The following LAMP1 variants were observed in gnomAD, a reference collection of about 807,000 sequenced individuals.
The protein encoded by LAMP1 is lysosome associated membrane protein 1.
LAMP1 carries 7 observed loss-of-function variants against 37.5 expected under a neutral mutation model. That is an observed-to-expected ratio of 0.19 (90% CI 0.11 to 0.35). LAMP1 has a LOEUF of 0.35. Among genes scored for constraint, LAMP1 ranks in the 10% least tolerant of loss-of-function variants. The pLI, the probability that LAMP1 is intolerant of heterozygous loss-of-function variation, is 1.00. For synonymous variants in LAMP1, 236 were observed against 229.1 expected, an observed-to-expected ratio of 1.03 and a Z score of -0.27; for missense variants, 537 against 552.8, an observed-to-expected ratio of 0.97 and a Z score of 0.29.
chr13:113,301,639 AAAAAAATATATATATATATATATAT>A (rs1457874136), intron 1 of LAMP1, among the ~76,000 whole-genome samples: 2,492 of 31,146 alleles, frequency 0.08, 214 homozygotes, highest in Non-Finnish European at 0.11. Context: ...AAAAAAAAAA[AAAAAAATATATATATATATATATAT>A]ATATATATAT....
intron 5 of LAMP1, 146 bp downstream of exon 5, chr13:113,319,802 CAA>C: frequency 1.4e-6 from 1 of 726,310 alleles, no homozygotes; most frequent in Non-Finnish European, 2.2e-6. Flanking sequence ...CCCTAGAGGA[CAA>C]GAGCTGGCGT....
Position 113,309,882 on chromosome 13 carries a change from G to T in LAMP1, c.403+20G>T. On this transcript the variant is annotated intron_variant, in intron 3 of 8. Transcript: ENST00000332556. Reference sequence around the variant, plus strand: ...CCAAAGGTAAGAACCAAAATGGGCCGATTATGAAGTGATAGAAAATTGGGT... The same window carrying T: ...CCAAAGGTAAGAACCAAAATGGGCCTATTATGAAGTGATAGAAAATTGGGT... The T allele has an allele frequency of 1.3e-6, 2 of 1,576,686 alleles. No individual in the cohort carries two copies. Among genetic ancestry groups the T allele is most frequent in the Non-Finnish European group, 1.7e-6 (2 of 1,148,406 alleles).
At position 113,321,558 on chromosome 13, in the gene LAMP1, C is replaced by T. The variant is rs200239310; in HGVS notation, c.945C>T (p.Asp315=). 13 of 1,613,760 alleles carry T rather than the reference C, an allele frequency of 8.1e-6. No homozygotes were observed. Among genetic ancestry groups the T allele is most frequent in the African/African-American group, 1.3e-5 (1 of 74,898 alleles). Residue 315 remains aspartate, a splice_region_variant and synonymous_variant, in exon 8 of 9, where the codon GAC becomes GAT. Coordinates refer to ENST00000332556, the MANE Select transcript of LAMP1 (RefSeq NM_005561.4). This position sits in a 1 kb window ranked among gnomAD's most constrained non-coding sequence, Gnocchi z 5.6. ...ACTAGACCTCTGTGTGTGTTGCAGA[C>T]CCTGCCTTTAAAGCTGCCAACGGCT... ...QLNTILPDAR[D]PAFKAANGSL...
intron 1 of LAMP1, among the ~76,000 whole-genome samples, chr13:113,303,445 C>G (rs1015289767): frequency 2.0e-5 from 3 of 152,172 alleles, no homozygotes; most frequent in Admixed American, 6.5e-5. Context: ...CTTGGAGATG[C>G]TGCCAACGGC....
rs1203940671 is a variant in LAMP1 at position 113,309,857 on chromosome 13, C to T, written c.398C>T (p.Ser133Phe). The T allele has an allele frequency of 6.2e-6, 10 of 1,611,896 alleles. No homozygotes were observed. The Admixed American group carries it at 1.2e-4, about 19-fold the overall frequency. The change falls in exon 3 of 9, where the codon TCC (serine) becomes TTC (phenylalanine). Residue 133 changes from serine to phenylalanine, a missense_variant. Ser to Phe is a radical substitution (Grantham distance 155). Transcript: ENST00000332556. Reference protein sequence around the residue: ...SDTHLFPNASSKEIKTVESIT... With the variant: ...SDTHLFPNASFKEIKTVESIT... ...ACACACCTTTTCCCCAATGCGAGCTCCAAAGGTAAGAACCAAAATGGGCCG... is the reference window on the plus strand; with the variant it reads ...ACACACCTTTTCCCCAATGCGAGCTTCAAAGGTAAGAACCAAAATGGGCCG...
At chr13:113,310,959 C>T in intron 4 of LAMP1, 92 bp downstream of exon 4, 1 of 1,097,524 alleles carries the variant, frequency 9.1e-7, no homozygotes, top group Non-Finnish European at 1.3e-6. Context: ...TGTCCTGGTG[C>T]TGGGCTCTGC....
At chr13:113,299,749 AGTAGAGAT>A (rs1309968655) in intron 1 of LAMP1, among the ~76,000 whole-genome samples, 1 of 151,496 alleles carries the variant, frequency 6.6e-6, no homozygotes, top group Non-Finnish European at 1.5e-5. Flanking sequence ...TTGTAGTTTT[AGTAGAGAT>A]GGGGTTTCAC....
chr13:113,310,619 C>A, intron 3 of LAMP1, 90 bp from the exon 4 acceptor site: 1 of 1,034,704 alleles, frequency 9.7e-7, no homozygotes, highest in South Asian at 1.8e-5. Flanking sequence ...AGACTGGAAT[C>A]TATAACTGAC....
At chr13:113,317,595 C>T (rs984634138) in intron 4 of LAMP1, among the ~76,000 whole-genome samples, 6 of 151,810 alleles carry the variant, frequency 4.0e-5, no homozygotes, top group African/African-American at 1.5e-4. Context: ...GTCGTGTGGC[C>T]ATCTAGACTA....
chr13:113,314,161 G>C (rs2042647240), intron 4 of LAMP1, among the ~76,000 whole-genome samples: 2 of 118,360 alleles, frequency 1.7e-5, no homozygotes, highest in African/African-American at 4.7e-5. Context: ...CGTGTGCCTG[G>C]GGCGTGGCCT....
chr13:113,301,643 AAATATATATATATATATAT>A (rs1241430741), intron 1 of LAMP1, among the ~76,000 whole-genome samples: 4 of 4,856 alleles, frequency 8.2e-4, no homozygotes, highest in African/African-American at 2.7e-3. Flanking sequence ...AAAAAAAAAA[AAATATATATATATATATAT>A]ATATATATAT....
In LAMP1 at chr13:113,321,830, G is replaced by A; in HGVS notation, c.1114+103G>A. ...CCGTGTGGGCTGGGGCGACGCCCCTGTTCCTCTGCAAGGAGCTGTTTCTTC... is the reference window on the plus strand; with the variant it reads ...CCGTGTGGGCTGGGGCGACGCCCCTATTCCTCTGCAAGGAGCTGTTTCTTC... On this transcript the variant is annotated intron_variant, in intron 8 of 8. Transcript: ENST00000332556. This position sits in a 1 kb window ranked among gnomAD's most constrained non-coding sequence, Gnocchi z 5.6. 4 of 1,170,280 alleles carry A rather than the reference G, an allele frequency of 3.4e-6. No individual in the cohort carries two copies. The highest frequency in any genetic ancestry group is 2.8e-5 in the South Asian group (2 of 71,372). 72.5% of individuals were successfully genotyped at this position (1,170,280 alleles called of 1,614,324 possible). A position where few individuals can be genotyped will look rare whatever the true frequency, so the allele number is the denominator to read the frequency against.
intron 1 of LAMP1, among the ~76,000 whole-genome samples, chr13:113,300,298 T>C (rs1739606740): frequency 6.6e-6 from 1 of 152,028 alleles, no homozygotes; most frequent in South Asian, 2.1e-4. Flanking sequence ...CTGGCCAATG[T>C]GGTGAAACCC....
intron 1 of LAMP1, among the ~76,000 whole-genome samples, chr13:113,303,740 A>G (rs73582815): frequency 0.06 from 9,168 of 152,226 alleles, 860 homozygotes; most frequent in African/African-American, 0.21. Flanking sequence ...GCCAAAGCTT[A>G]CTTTAAATTT....
chr13:113,315,650 A>T (rs1354234879), intron 4 of LAMP1, among the ~76,000 whole-genome samples: 5 of 151,204 alleles, frequency 3.3e-5, no homozygotes, highest in African/African-American at 1.2e-4. Context: ...TATAGGTGTG[A>T]GCCACCGTGC....
At position 113,323,315 on chromosome 13, in the gene LAMP1, ATG is replaced by A. The variant is rs1372203192; in HGVS notation, c.*897_*898del. 6.6e-6 allele frequency: 1 copy of A among 152,102 alleles called. No homozygotes were observed. Among genetic ancestry groups the A allele is most frequent in the Non-Finnish European group, 1.5e-5 (1 of 68,036 alleles). The allele number at this position is 152,102 out of a possible 1,614,324, so 9.4% of individuals were successfully genotyped here. ...GTGATCCTGTTCTGCGCTGTGTACA[ATG>A]TGAGATCGGTGCGTTCTCCTGATGT... On this transcript the variant is annotated 3_prime_UTR_variant, in exon 9 of 9. Coordinates refer to ENST00000332556, the MANE Select transcript of LAMP1 (RefSeq NM_005561.4).
Position 113,322,432 on chromosome 13 carries a change from G to A in LAMP1, c.*11G>A, listed in dbSNP as rs374070870. ...TACCAGACTATCTAGCCTGGTGCAC[G>A]CAGGCACAGCAGCTGCAGGGGCCTC... On this transcript the variant is annotated 3_prime_UTR_variant, in exon 9 of 9. Coordinates refer to ENST00000332556, the MANE Select transcript of LAMP1 (RefSeq NM_005561.4). The A allele has an allele frequency of 1.4e-5, 23 of 1,598,790 alleles. No individual in the cohort carries two copies. Among genetic ancestry groups the A allele is most frequent in the African/African-American group, 8.0e-5 (6 of 74,562 alleles).
chr13:113,320,487 A>ACCTCTCTGGGGGCGCCC lies in LAMP1; in HGVS notation c.876+18_876+34dup, dbSNP rs1174017058. ...TTCGGGATGGTGAGGCTGGGGCGGC[A>ACCTCTCTGGGGGCGCCC]CCTCTCTGGGGGCGCCCACTGTGTC... On this transcript the variant is annotated intron_variant, in intron 6 of 8. Coordinates refer to ENST00000332556, the MANE Select transcript of LAMP1 (RefSeq NM_005561.4). This position sits in a 1 kb window ranked among gnomAD's most constrained non-coding sequence, Gnocchi z 4.4. 4 of 1,601,954 alleles carry ACCTCTCTGGGGGCGCCC rather than the reference A, an allele frequency of 2.5e-6. No homozygotes were observed. The South Asian group carries it at 3.3e-5, about 13-fold the overall frequency.
At position 113,319,520 on chromosome 13, in the gene LAMP1, C is replaced by T; in HGVS notation, c.614C>T (p.Pro205Leu). ...RPSPTTAPPA[P>L]PSPSPSPVPK... ...TCCCCAACCACAGCGCCCCCTGCGC[C>T]ACCCAGCCCCTCGCCCTCACCCGTG... The change falls in exon 5 of 9, where the codon CCA becomes CTA. Residue 205 changes from proline (P) to leucine (L), a missense_variant. Physicochemically the swap from Pro to Leu is moderately conservative, Grantham distance 98. Coordinates refer to ENST00000332556, the MANE Select transcript of LAMP1 (RefSeq NM_005561.4). The T allele has an allele frequency of 6.2e-7, 1 of 1,613,978 alleles. No individual in the cohort carries two copies. The highest frequency in any genetic ancestry group is 8.5e-7 in the Non-Finnish European group (1 of 1,179,964).
Sources: gnomAD v4.1 joint callset for allele counts (sites outside exome capture counted in the v4.1 genomes callset) on GRCh38, gnomAD v4.1.1 for gene constraint, Gnocchi (gnomAD v3.1) non-coding constraint, MANE v1.5 for transcripts, NCBI Gene and HGNC (gene_info 2026-07-23, HGNC 2026-07-21) for gene names.